TENM4: variants seen among roughly 807,000 people sequenced by gnomAD.
The protein encoded by TENM4 is teneurin-4.
A neutral mutation model predicts 243.3 loss-of-function variants in TENM4; 82 were observed. The ratio of observed to expected loss-of-function variants is 0.34; its 90% CI spans 0.28 to 0.40. TENM4 has a LOEUF of 0.40. Ranked by LOEUF, TENM4 falls within the 10% of genes least tolerant of loss-of-function variation. The pLI is 1.00. For synonymous variants in TENM4, 1,412 were observed against 1,456.3 expected (o/e 0.97, Z 0.69); for missense variants, 3,138 against 3,673.3 (o/e 0.85, Z 3.77).
chr11:79,196,083 T>G (rs1863621035), intron 3 of TENM4, among the ~76,000 whole-genome samples: 1 of 152,180 alleles, frequency 6.6e-6, no homozygotes, highest in Admixed American at 6.5e-5. Flanking sequence ...TGCCGCCATG[T>G]TAGAAGTGCC....
intron 2 of TENM4, among the ~76,000 whole-genome samples, chr11:79,218,073 G>T (rs1055477408): frequency 6.6e-6 from 1 of 152,076 alleles, no homozygotes; most frequent in Non-Finnish European, 1.5e-5. Flanking sequence ...AGTAAACCTA[G>T]AAAAATCCTT....
chr11:79,008,277 G>T (rs1858543567), intron 6 of TENM4, among the ~76,000 whole-genome samples: 2 of 152,150 alleles, frequency 1.3e-5, no homozygotes, highest in South Asian at 2.1e-4. Flanking sequence ...CTGCCACCCC[G>T]GGTTTAACGG....
intron 3 of TENM4, among the ~76,000 whole-genome samples, chr11:79,171,408 A>G (rs1382876161): frequency 1.3e-5 from 2 of 152,222 alleles, no homozygotes; most frequent in Admixed American, 6.5e-5. Flanking sequence ...ATCTTCCAAG[A>G]CTGTGCCTTC....
chr11:79,118,668 A>T (rs1328849826), intron 4 of TENM4, among the ~76,000 whole-genome samples: 2 of 152,176 alleles, frequency 1.3e-5, no homozygotes, highest in Non-Finnish European at 2.9e-5. Context: ...TCTTGTTGTG[A>T]CTGGCTTATT....
intron 19 of TENM4, chr11:78,756,562 T>C: frequency 2.0e-6 from 1 of 498,136 alleles, no homozygotes; most frequent in Non-Finnish European, 3.7e-6. Context: ...TCTCACTGTC[T>C]TCATCTGTCA....
rs140814802 is a variant in TENM4, at chr11:78,964,579, C to T, written c.494-61056G>A. 2.2e-3 allele frequency among the ~76,000 whole-genome samples: 338 copies of T among 152,276 alleles called. 1 individual carries two copies. The highest frequency in any genetic ancestry group is 7.8e-3 in the African/African-American group (325 of 41,562). ...GTACAATCTTTTAAGCCAGCATTCC[C>T]GATTCACCTTGAGAGCCTGCCTTCC... On this transcript the variant is annotated intron_variant, in intron 6 of 33. Coordinates refer to ENST00000278550, the MANE Select transcript of TENM4 (RefSeq NM_001098816.3).
At chr11:79,243,356 C>T (rs1176082232) in intron 2 of TENM4, among the ~76,000 whole-genome samples, 4 of 152,104 alleles carry the variant, frequency 2.6e-5, no homozygotes, top group Non-Finnish European at 2.9e-5. Context: ...GTGGATTTTG[C>T]GGTCCATTTT....
chr11:79,404,079 C>T (rs986158718), intron 1 of TENM4, among the ~76,000 whole-genome samples: 31 of 152,320 alleles, frequency 2.0e-4, no homozygotes, highest in African/African-American at 5.5e-4. Flanking sequence ...CTTGACCCTC[C>T]GCTGAAGCTG....
At chr11:79,381,366 T>C (rs1041108805) in intron 1 of TENM4, among the ~76,000 whole-genome samples, 1 of 150,270 alleles carries the variant, frequency 6.7e-6, no homozygotes, top group Non-Finnish European at 1.5e-5. Context: ...AAAGAACCAG[T>C]GTGCACAGCT....
At position 78,661,595 on chromosome 11, in the gene TENM4, G is replaced by T; in HGVS notation, c.7409-4C>A. On this transcript the variant is annotated splice_polypyrimidine_tract_variant and splice_region_variant and intron_variant, in intron 32 of 33. Transcript: ENST00000278550. ...GTGAGCAGCCAGCTGTTAACATCTG[G>T]ATGGGAGGGAAGCAGAAACATCTCC... The T allele has an allele frequency of 6.2e-7, 1 of 1,612,770 alleles. No individual in the cohort carries two copies. The highest frequency in any genetic ancestry group is 1.7e-4 in the Middle Eastern group (1 of 6,060).
rs372278432 is a variant in TENM4 at position 78,847,165 on chromosome 11, C to A, written c.1681+6939G>T. Among the ~76,000 whole-genome samples, 4 of 152,196 alleles carry A rather than the reference C, an allele frequency of 2.6e-5. No homozygotes were observed. In the East Asian group the frequency reaches 7.7e-4, roughly 29 times the overall value. The stretch of plus-strand genomic sequence containing the variant: ...CCTAGACAAAAAGTGTGCACCAGAA[C>A]ATCAAAACTCTACTTAAATGCTACT... On this transcript the variant is annotated intron_variant, in intron 12 of 33. Transcript: ENST00000278550.
intron 6 of TENM4, among the ~76,000 whole-genome samples, chr11:78,960,412 T>C (rs1443985998): frequency 1.3e-5 from 2 of 152,162 alleles, no homozygotes; most frequent in East Asian, 3.9e-4. Context: ...GGGTAGGTAA[T>C]GACCGCCCTT....
chr11:78,661,644 C>T (rs753849516), intron 32 of TENM4, 53 bp from the exon 33 acceptor site: 33 of 1,591,312 alleles, frequency 2.1e-5, no homozygotes, highest in African/African-American at 2.7e-5. Flanking sequence ...ACCTCATTTG[C>T]AACCCATCCC....
intron 2 of TENM4, among the ~76,000 whole-genome samples, chr11:79,227,295 T>C (rs748557464): frequency 4.6e-5 from 7 of 152,246 alleles, no homozygotes; most frequent in African/African-American, 4.8e-5. Flanking sequence ...GTTGCTGTCA[T>C]TGGTGATTTC....
chr11:78,757,047 T>C, intron 18 of TENM4, 26 bp from the exon 19 acceptor site: 1 of 1,602,646 alleles, frequency 6.2e-7, no homozygotes, highest in African/African-American at 1.3e-5. Flanking sequence ...AGCATGTGGT[T>C]TATATTGCTA....
intron 28 of TENM4, among the ~76,000 whole-genome samples, chr11:78,698,394 A>G (rs1461193794): frequency 6.6e-6 from 1 of 152,064 alleles, no homozygotes; most frequent in African/African-American, 2.4e-5. Context: ...TTCAAAAACC[A>G]AACCGAACCA....
chr11:78,814,495 A>C, intron 12 of TENM4, 100 bp from the exon 13 acceptor site: 4 of 946,012 alleles, frequency 4.2e-6, no homozygotes, highest in Non-Finnish European at 6.4e-6. Flanking sequence ...CACATATTTG[A>C]GCTCTTGTGG....
chr11:79,017,984 T>A (rs2136785898), intron 6 of TENM4, among the ~76,000 whole-genome samples: 1 of 152,254 alleles, frequency 6.6e-6, no homozygotes, highest in South Asian at 2.1e-4. Flanking sequence ...AAGGTGGTCC[T>A]CCCACTTGGG....
chr11:78,780,737 A>C (rs1856823976), intron 16 of TENM4, among the ~76,000 whole-genome samples: 1 of 152,172 alleles, frequency 6.6e-6, no homozygotes, highest in South Asian at 2.1e-4. Context: ...ATTTTCAAGA[A>C]CCACATAACC....
Sources: gnomAD v4.1 joint callset for allele counts (sites outside exome capture counted in the v4.1 genomes callset) on GRCh38, gnomAD v4.1.1 for gene constraint, MANE v1.5 for transcripts, NCBI Gene and HGNC (gene_info 2026-07-23, HGNC 2026-07-21) for gene names.